The following ARHGEF37 variants were observed in gnomAD, a reference collection of about 807,000 sequenced individuals.
The protein encoded by ARHGEF37 is Rho guanine nucleotide exchange factor (GEF) 37.
A neutral mutation model predicts 71.1 loss-of-function variants in ARHGEF37; 55 were observed. The observed-to-expected ratio is 0.77, with a 90% confidence interval of 0.62 to 0.97. The LOEUF (loss-of-function observed/expected upper bound fraction) is 0.97. Among genes scored for constraint, ARHGEF37 ranks in the 50% least tolerant of loss-of-function variants. The pLI, the probability that ARHGEF37 is intolerant of heterozygous loss-of-function variation, is 0.00. For missense variants in ARHGEF37, 765 were observed against 836.8 expected, an observed-to-expected ratio of 0.91 and a Z score of 1.06; for synonymous variants, 327 against 350.6, an observed-to-expected ratio of 0.93 and a Z score of 0.75.
chr5:149,615,134 A>G (rs1752338300), intron 4 of ARHGEF37, among the ~76,000 whole-genome samples: 1 of 152,130 alleles, frequency 6.6e-6, no homozygotes, highest in Non-Finnish European at 1.5e-5. Context: ...CCTTGGCACC[A>G]TTAGTTCCAG....
At chr5:149,617,538 TA>T (rs1752413793) in intron 5 of ARHGEF37, among the ~76,000 whole-genome samples, 1 of 152,226 alleles carries the variant, frequency 6.6e-6, no homozygotes, top group Non-Finnish European at 1.5e-5. Flanking sequence ...TTCATTGTCA[TA>T]TTTGGTCTTT....
intron 3 of ARHGEF37, among the ~76,000 whole-genome samples, chr5:149,605,054 C>T (rs1283432985): frequency 1.3e-5 from 2 of 151,210 alleles, no homozygotes; most frequent in East Asian, 3.9e-4. Flanking sequence ...TAGTGAAACC[C>T]CACCTCTACT....
At chr5:149,562,053 A>G (rs560633507) in intron 1 of ARHGEF37, among the ~76,000 whole-genome samples, 1 of 152,294 alleles carries the variant, frequency 6.6e-6, no homozygotes, top group South Asian at 2.1e-4. Flanking sequence ...TCCTAAGAAC[A>G]CATCCTGTTA....
rs1041054617 is a variant in ARHGEF37 at position 149,634,845 on chromosome 5, G to A, written c.*2654G>A. The A allele has an allele frequency of 3.3e-5, 5 of 152,530 alleles. No individual in the cohort carries two copies. The highest frequency in any genetic ancestry group is 1.2e-4 in the African/African-American group (5 of 41,422). The allele number at this position is 152,530 out of a possible 1,614,324, so 9.4% of individuals were successfully genotyped here. A position where few individuals can be genotyped will look rare whatever the true frequency, so the allele number is the denominator to read the frequency against. ...ACCCCTCAGGCCCCAACTCAGTTGTGGAGATGAGGACAAGATTACAATATC... is the reference window on the plus strand; with the variant it reads ...ACCCCTCAGGCCCCAACTCAGTTGTAGAGATGAGGACAAGATTACAATATC... On this transcript the variant is annotated 3_prime_UTR_variant, in exon 13 of 13. Transcript: ENST00000333677.
At position 149,561,134 on chromosome 5, in the gene ARHGEF37, G is replaced by A. The variant is rs552602576; in HGVS notation, c.-12+9011G>A. ...CTAAAAATACAAAAATTTGCTGGGC[G>A]TGGTGGCAAGCACCTGTAGTCCCAG... is the stretch of plus-strand genomic sequence containing the variant. On this transcript the variant is annotated intron_variant, in intron 1 of 2. Transcript: ENST00000505810. 7.9e-5 allele frequency among the ~76,000 whole-genome samples: 12 copies of A among 152,064 alleles called. No individual in the cohort carries two copies. In the East Asian group the frequency reaches 1.4e-3, roughly 17 times the overall value.
intron 3 of ARHGEF37, among the ~76,000 whole-genome samples, chr5:149,604,007 A>C (rs1362205474): frequency 6.6e-6 from 1 of 152,182 alleles, no homozygotes; most frequent in Non-Finnish European, 1.5e-5. Context: ...TTTGATCATT[A>C]TTTTGGTTAA....
At chr5:149,556,168 G>A (rs929903672) in intron 1 of ARHGEF37, among the ~76,000 whole-genome samples, 3 of 151,922 alleles carry the variant, frequency 2.0e-5, no homozygotes, top group South Asian at 2.1e-4. Flanking sequence ...CCTTAGAAAC[G>A]TCAGTGTCCC....
intron 12 of ARHGEF37, among the ~76,000 whole-genome samples, chr5:149,630,130 C>T (rs187850464): frequency 6.6e-6 from 1 of 152,064 alleles, no homozygotes; most frequent in Non-Finnish European, 1.5e-5. Context: ...CATGTGTCTG[C>T]AAATATACTA....
intron 1 of ARHGEF37, among the ~76,000 whole-genome samples, chr5:149,561,486 G>A (rs1033480052): frequency 5.3e-5 from 8 of 152,036 alleles, no homozygotes; most frequent in South Asian, 4.1e-4. Flanking sequence ...AAATAATGCC[G>A]GAGGCTTTAA....
rs1302075062 is a variant in ARHGEF37 at position 149,618,208 on chromosome 5, C to T, written c.691C>T (p.Leu231Phe). The change falls in exon 6 of 13, where the codon CTC (leucine) becomes TTC (phenylalanine). Residue 231 changes from leucine to phenylalanine, a missense_variant. Leu to Phe is a conservative substitution (Grantham distance 22). Around this residue, in one of 5 missense-constraint regions of ARHGEF37, gnomAD observed 167 missense variants for 173.3 expected, o/e 0.96. Coordinates refer to ENST00000333677, the MANE Select transcript of ARHGEF37 (RefSeq NM_001001669.3). ...GTACACCAAGGTAGAGCAGCTGACC[C>T]TCCGGGAGCGGCTGGCCCGCATCAA... ...SKYTKVEQLT[L>F]RERLARINTH... 1.9e-6 allele frequency: 3 copies of T among 1,614,244 alleles called. No homozygotes were observed. Among genetic ancestry groups the T allele is most frequent in the Non-Finnish European group, 2.5e-6 (3 of 1,180,036 alleles).
At chr5:149,630,044 G>A (rs1752834458) in intron 12 of ARHGEF37, among the ~76,000 whole-genome samples, 1 of 152,132 alleles carries the variant, frequency 6.6e-6, no homozygotes, top group Admixed American at 6.5e-5. Context: ...GGTGGGGAAT[G>A]GGGACTGCTA....
chr5:149,602,747 C>T (rs1763793819), intron 3 of ARHGEF37, among the ~76,000 whole-genome samples: 1 of 152,004 alleles, frequency 6.6e-6, no homozygotes, highest in African/African-American at 2.4e-5. Flanking sequence ...TGAGGGATTT[C>T]CTAGTGGAGT....
chr5:149,557,731 T>C (rs1406237972), intron 1 of ARHGEF37, among the ~76,000 whole-genome samples: 2 of 152,242 alleles, frequency 1.3e-5, no homozygotes, highest in Non-Finnish European at 2.9e-5. Context: ...AGACTGCATG[T>C]ATTGCTTACT....
At chr5:149,588,198 T>TTTTG (rs3073427) in intron 1 of ARHGEF37, among the ~76,000 whole-genome samples, 34,127 of 140,238 alleles carry the variant, frequency 0.24, 4,481 homozygotes, top group Admixed American at 0.42. Context: ...TGCCCGGCCT[T>TTTTG]TTTGTTTGTT....
chr5:149,619,915 C>T (rs750510127), intron 7 of ARHGEF37, among the ~76,000 whole-genome samples: 5 of 151,780 alleles, frequency 3.3e-5, no homozygotes, highest in Admixed American at 1.3e-4. Context: ...ACTAAAAATA[C>T]GAAAAACATT....
chr5:149,629,720 G>A (rs990055611), intron 12 of ARHGEF37, among the ~76,000 whole-genome samples: 2 of 152,244 alleles, frequency 1.3e-5, no homozygotes, highest in Admixed American at 1.3e-4. Flanking sequence ...TTTCTCTGAA[G>A]AGCAATGGGC....
chr5:149,627,279 A>G lies in ARHGEF37; in HGVS notation c.1660+8A>G, dbSNP rs7732874. ...GGCTGGTGGACACCGGGGGTACGTG[A>G]GCCTTTGGGAGCCCTTCTTCTCCTT... On this transcript the variant is annotated splice_region_variant and intron_variant, in intron 11 of 12. Transcript: ENST00000333677. The G allele has an allele frequency of 0.086, 139,048 of 1,609,842 alleles. 7,488 individuals carry two copies. The highest frequency in any genetic ancestry group is 0.24 in the African/African-American group (18,187 of 74,916).
chr5:149,586,713 C>T (rs1324796937), intron 1 of ARHGEF37, among the ~76,000 whole-genome samples: 1 of 152,206 alleles, frequency 6.6e-6, no homozygotes, highest in East Asian at 1.9e-4. Flanking sequence ...TTTAATAAAA[C>T]AAAACAGAGC....
At chr5:149,594,192 A>C (rs1763483994) in intron 1 of ARHGEF37, among the ~76,000 whole-genome samples, 1 of 152,220 alleles carries the variant, frequency 6.6e-6, no homozygotes, top group Non-Finnish European at 1.5e-5. Context: ...TCTAGATTGC[A>C]ATTAACCTAA....
Sources: allele counts gnomAD v4.1 joint callset (sites outside exome capture counted in the v4.1 genomes callset), GRCh38; gene constraint gnomAD v4.1.1; regional missense constraint gnomAD v4.1.1; transcripts MANE v1.5; gene names NCBI Gene and HGNC (gene_info 2026-07-23, HGNC 2026-07-21).